COL23A1: variants seen among roughly 807,000 people sequenced by gnomAD.
COL23A1 encodes collagen type XXIII alpha 1 chain.
COL23A1 carries 97 observed loss-of-function variants against 99.3 expected under a neutral mutation model. That is an observed-to-expected ratio of 0.98 (90% CI 0.83 to 1.16). The LOEUF is 1.16. Among genes scored for constraint, COL23A1 ranks in the 50% most tolerant of loss-of-function variants. The pLI, the probability that COL23A1 is intolerant of heterozygous loss-of-function variation, is 0.00. For synonymous variants in COL23A1, 320 were observed against 308.2 expected, an observed-to-expected ratio of 1.04 and a Z score of -0.40; for missense variants, 762 against 757.4, an observed-to-expected ratio of 1.01 and a Z score of -0.07.
chr5:178,518,397 CA>C (rs1759689175), intron 2 of COL23A1, among the ~76,000 whole-genome samples: 1 of 151,326 alleles, frequency 6.6e-6, no homozygotes, highest in South Asian at 2.1e-4. Context: ...GGCCCGTTCT[CA>C]ATGAGCTGTT....
At chr5:178,526,206 T>C (rs574080397) in intron 2 of COL23A1, among the ~76,000 whole-genome samples, 1 of 152,258 alleles carries the variant, frequency 6.6e-6, no homozygotes, top group Non-Finnish European at 1.5e-5. Flanking sequence ...CCAAAATCCT[T>C]CCCATACTTC....
In COL23A1 at chr5:178,502,310, T is replaced by G. The variant is rs973791593; in HGVS notation, c.361+58372A>C. Among the ~76,000 whole-genome samples the G allele has an allele frequency of 6.6e-5, 10 of 152,214 alleles. No homozygotes were observed. In the South Asian group the frequency reaches 2.1e-3, roughly 32 times the overall value. ...CCACGCCCGGCTAATTTTTTGTATTTTTAGTAGAGACGGGGTTTCACCATG... is the reference window on the plus strand; with the variant it reads ...CCACGCCCGGCTAATTTTTTGTATTGTTAGTAGAGACGGGGTTTCACCATG... On this transcript the variant is annotated intron_variant, in intron 2 of 28. Transcript: ENST00000390654.
intron 2 of COL23A1, among the ~76,000 whole-genome samples, chr5:178,522,074 G>GCAAAGGAAGGATTCTTCCAGT (rs1483666879): frequency 2.0e-4 from 31 of 152,234 alleles, no homozygotes; most frequent in African/African-American, 7.5e-4. Flanking sequence ...TAAGGTCTTA[G>GCAAAGGAAGGATTCTTCCAGT]CAAAGGAAGG....
Position 178,366,489 on chromosome 5 carries a change from G to A in COL23A1, c.362-59570C>T, listed in dbSNP as rs1253872288. Among the ~76,000 whole-genome samples, 1 of 152,126 alleles carries A rather than the reference G, an allele frequency of 6.6e-6. No individual in the cohort carries two copies. Among genetic ancestry groups the A allele is most frequent in the Admixed American group, 6.5e-5 (1 of 15,278 alleles). ...TCTCTTGTGCATCTTTGCTCACGGC[G>A]TCTTCTGCACCTGCACTCCCATCTG... On this transcript the variant is annotated intron_variant, in intron 2 of 28. Transcript: ENST00000390654. This position sits in a 1 kb window ranked among gnomAD's most constrained non-coding sequence, Gnocchi z 4.4.
chr5:178,356,976 G>C (rs1040964128), intron 2 of COL23A1, among the ~76,000 whole-genome samples: 38 of 152,224 alleles, frequency 2.5e-4, no homozygotes, highest in Admixed American at 9.8e-4. Flanking sequence ...CCTGACGCTC[G>C]TGGATGCTCA....
Position 178,255,778 on chromosome 5 carries a change from C to T in COL23A1, c.882+575G>A, listed in dbSNP as rs1466611600. ...CTGCCTAATCCAACCCCCTCCCGCT[C>T]CCCACCACCTGCACAGCCAGGCGGG... On this transcript the variant is annotated intron_variant, in intron 15 of 28. Coordinates refer to ENST00000390654, the MANE Select transcript of COL23A1 (RefSeq NM_173465.4). This position sits in a 1 kb window ranked among gnomAD's most constrained non-coding sequence, Gnocchi z 4.2. The T allele has an allele frequency of 5.7e-6, 2 of 350,336 alleles. No individual in the cohort carries two copies. The highest frequency in any genetic ancestry group is 4.3e-5 in the African/African-American group (2 of 46,090). 21.7% of individuals were successfully genotyped at this position (350,336 alleles called of 1,614,324 possible).
chr5:178,401,453 C>T (rs933717156), intron 2 of COL23A1, among the ~76,000 whole-genome samples: 2 of 152,170 alleles, frequency 1.3e-5, no homozygotes, highest in Non-Finnish European at 2.9e-5. Flanking sequence ...CTTGGCATAG[C>T]GCATTTGAGA....
At chr5:178,337,733 A>C (rs377353694) in intron 2 of COL23A1, among the ~76,000 whole-genome samples, 50 of 148,326 alleles carry the variant, frequency 3.4e-4, no homozygotes, top group African/African-American at 1.3e-3. Context: ...CTCCACAGAC[A>C]CCCCCCATCT....
intron 2 of COL23A1, among the ~76,000 whole-genome samples, chr5:178,504,174 C>G (rs1478573696): frequency 1.3e-5 from 2 of 152,106 alleles, no homozygotes; most frequent in African/African-American, 4.8e-5. Flanking sequence ...TTTCATCCCC[C>G]ACAATTTCCC....
chr5:178,517,908 A>ATTTT (rs1759643920), intron 2 of COL23A1, among the ~76,000 whole-genome samples: 1 of 67,444 alleles, frequency 1.5e-5, no homozygotes, highest in African/African-American at 7.9e-5. Flanking sequence ...TTTTTAATTT[A>ATTTT]TTTTTTTATT....
chr5:178,406,159 C>T (rs1316026819), intron 2 of COL23A1, among the ~76,000 whole-genome samples: 1 of 151,980 alleles, frequency 6.6e-6, no homozygotes, highest in Non-Finnish European at 1.5e-5. Context: ...AAATAATAAC[C>T]AGTTAGAAGG....
At chr5:178,457,382 T>C (rs1368891798) in intron 2 of COL23A1, among the ~76,000 whole-genome samples, 11 of 151,892 alleles carry the variant, frequency 7.2e-5, no homozygotes, top group Non-Finnish European at 1.3e-4. Context: ...CCCGGCTAAT[T>C]TTTTGTATTT....
chr5:178,292,191 C>T (rs1252310155), intron 3 of COL23A1, among the ~76,000 whole-genome samples: 3 of 151,770 alleles, frequency 2.0e-5, no homozygotes, highest in Middle Eastern at 3.2e-3. Flanking sequence ...CCCTCCTCCT[C>T]GATCTGTTCC....
intron 2 of COL23A1, among the ~76,000 whole-genome samples, chr5:178,429,485 CCAAA>C (rs1254347331): frequency 5.3e-5 from 8 of 152,316 alleles, no homozygotes; most frequent in East Asian, 1.9e-4. Context: ...CCTTTTCTTC[CCAAA>C]CAGATAGCTG....
chr5:178,509,517 G>T (rs951621891), intron 2 of COL23A1, among the ~76,000 whole-genome samples: 2 of 151,936 alleles, frequency 1.3e-5, no homozygotes, highest in Non-Finnish European at 2.9e-5. Flanking sequence ...CACCGTGCCC[G>T]GCCAGAACCT....
chr5:178,349,484 T>C (rs1026203797), intron 2 of COL23A1, among the ~76,000 whole-genome samples: 1 of 143,718 alleles, frequency 7.0e-6, no homozygotes, highest in African/African-American at 2.6e-5. Context: ...CCTCCGGCCC[T>C]CCGCTAGGCG....
intron 2 of COL23A1, among the ~76,000 whole-genome samples, chr5:178,557,047 C>T (rs1420751914): frequency 6.6e-6 from 1 of 152,240 alleles, no homozygotes; most frequent in Non-Finnish European, 1.5e-5. Context: ...CCTCCCAGTT[C>T]TAGGGGCAAG....
intron 2 of COL23A1, among the ~76,000 whole-genome samples, chr5:178,416,753 G>A (rs1295621801): frequency 6.6e-6 from 1 of 152,196 alleles, no homozygotes; most frequent in African/African-American, 2.4e-5. Flanking sequence ...TAACTGATGA[G>A]ATCTGGAGTG....
Position 178,306,853 on chromosome 5 carries a change from G to C in COL23A1, c.406+22C>G. 6.7e-7 allele frequency: 1 copy of C among 1,483,152 alleles called. No individual in the cohort carries two copies. Among genetic ancestry groups the C allele is most frequent in the Non-Finnish European group, 9.0e-7 (1 of 1,113,510 alleles). 91.9% of individuals were successfully genotyped at this position (1,483,152 alleles called of 1,614,324 possible). On this transcript the variant is annotated intron_variant, in intron 3 of 28. Transcript: ENST00000390654. This position sits in a 1 kb window ranked among gnomAD's most constrained non-coding sequence, Gnocchi z 4.1. ...GTGGCTTCCAAGCCTTGGCTTAGGA[G>C]CTGAGAAAACCTGGGACTCACCAGG...
Sources: allele counts gnomAD v4.1 joint callset (sites outside exome capture counted in the v4.1 genomes callset), GRCh38; gene constraint gnomAD v4.1.1; non-coding constraint Gnocchi (gnomAD v3.1); transcripts MANE v1.5; gene names NCBI Gene and HGNC (gene_info 2026-07-23, HGNC 2026-07-21).